The following ZFHX3 variants were observed in gnomAD, a reference collection of about 807,000 sequenced individuals.
The protein encoded by ZFHX3 is zinc finger homeobox protein 3.
In ZFHX3, 42 loss-of-function variants were observed where a neutral mutation model predicts 279.1. The ratio of observed to expected loss-of-function variants is 0.15; its 90% confidence interval spans 0.12 to 0.19. The LOEUF is 0.19. ZFHX3 is among the 10% of genes least tolerant of loss of function. The pLI, the probability that ZFHX3 is intolerant of heterozygous loss-of-function variation, is 1.00. For synonymous variants in ZFHX3, 2,293 were observed against 1,957.8 expected (o/e 1.17, Z -4.52); for missense variants, 4,981 against 4,754.0 (o/e 1.05, Z -1.40).
chr16:72,873,121 A>G (rs1316673349), intron 4 of ZFHX3, among the ~76,000 whole-genome samples: 3 of 152,354 alleles, frequency 2.0e-5, no homozygotes, highest in Non-Finnish European at 4.4e-5. Flanking sequence ...ACTACGGATC[A>G]TCTTGAACCC....
chr16:73,791,494 G>C (rs559683499), intron 1 of ZFHX3, among the ~76,000 whole-genome samples: 6 of 152,132 alleles, frequency 3.9e-5, no homozygotes, highest in African/African-American at 1.4e-4. Context: ...GCGCCATCTT[G>C]GCTCACTGCG....
At chr16:73,596,377 A>G (rs1597018331) in intron 2 of ZFHX3, among the ~76,000 whole-genome samples, 1 of 152,166 alleles carries the variant, frequency 6.6e-6, no homozygotes, top group East Asian at 1.9e-4. Context: ...GAGTTTTGCT[A>G]AACTATAGCT....
intron 1 of ZFHX3, among the ~76,000 whole-genome samples, chr16:73,024,659 T>A (rs1964430270): frequency 6.6e-6 from 1 of 152,194 alleles, no homozygotes; most frequent in African/African-American, 2.4e-5. Flanking sequence ...CCGCCATGTG[T>A]CAGTCGGGTT....
intron 2 of ZFHX3, among the ~76,000 whole-genome samples, chr16:73,620,137 A>G (rs1000036416): frequency 6.6e-6 from 1 of 152,110 alleles, no homozygotes; most frequent in Non-Finnish European, 1.5e-5. Flanking sequence ...TTATCCACAC[A>G]AGCTACCTTT....
intron 4 of ZFHX3, among the ~76,000 whole-genome samples, chr16:72,881,310 A>G (rs1442347765): frequency 2.0e-5 from 3 of 152,244 alleles, no homozygotes; most frequent in Non-Finnish European, 4.4e-5. Context: ...AGGAGACCAG[A>G]AAGCCCAGGA....
At chr16:73,240,021 T>TTGTG (rs113010649) in intron 5 of ZFHX3, among the ~76,000 whole-genome samples, 2,046 of 147,044 alleles carry the variant, frequency 0.014, 22 homozygotes, top group African/African-American at 0.023. Context: ...GAACCTTATT[T>TTGTG]TGTGTGTGTG....
chr16:73,237,563 G>A (rs547514613), intron 5 of ZFHX3, among the ~76,000 whole-genome samples: 1 of 123,694 alleles, frequency 8.1e-6, no homozygotes, highest in East Asian at 2.5e-4. Context: ...GAGAGAACAC[G>A]GTCTTGCTTT....
At chr16:73,692,548 G>C (rs147088577) in intron 1 of ZFHX3, among the ~76,000 whole-genome samples, 1 of 152,162 alleles carries the variant, frequency 6.6e-6, no homozygotes, top group Non-Finnish European at 1.5e-5. Context: ...CAGTAACAAA[G>C]GTTGCCTCTG....
chr16:73,757,024 A>G (rs1044403042), intron 1 of ZFHX3, among the ~76,000 whole-genome samples: 10 of 152,158 alleles, frequency 6.6e-5, no homozygotes, highest in Non-Finnish European at 1.3e-4. Flanking sequence ...GGTGTTACCC[A>G]TTAGTCACCA....
rs528216617 is a variant in ZFHX3, at chr16:73,547,215, T to C, written c.-1546-90957A>G. On this transcript the variant is annotated intron_variant, in intron 2 of 17. Coordinates refer to the ZFHX3 transcript ENST00000641206. ...TTCCTCCCCTCCTGCACATCGGCTA[T>C]GGTACTATTCTATTTTTATATTTAC... is the stretch of plus-strand genomic sequence containing the variant. Among the ~76,000 whole-genome samples the C allele has an allele frequency of 5.2e-4, 79 of 152,248 alleles. 1 individual carries two copies. Among genetic ancestry groups the C allele is most frequent in the Middle Eastern group, 3.4e-3 (1 of 294 alleles).
At chr16:73,624,534 C>T (rs531274511) in intron 2 of ZFHX3, among the ~76,000 whole-genome samples, 5 of 151,444 alleles carry the variant, frequency 3.3e-5, no homozygotes, top group Admixed American at 3.3e-4. Flanking sequence ...GAACCATCAA[C>T]ATTATGAATT....
chr16:73,781,072 T>A (rs13335360), intron 1 of ZFHX3, among the ~76,000 whole-genome samples: 7,416 of 152,274 alleles, frequency 0.049, 297 homozygotes, highest in African/African-American at 0.11. Context: ...AGGGACCATT[T>A]GCTTGGGAAG....
At chr16:73,638,299 C>T (rs1189265484) in intron 2 of ZFHX3, among the ~76,000 whole-genome samples, 1 of 152,094 alleles carries the variant, frequency 6.6e-6, no homozygotes, top group Non-Finnish European at 1.5e-5. Flanking sequence ...TAACCATATA[C>T]ATATATTTAT....
At chr16:73,293,284 C>G (rs1243360162) in intron 4 of ZFHX3, among the ~76,000 whole-genome samples, 1 of 152,108 alleles carries the variant, frequency 6.6e-6, no homozygotes, top group Non-Finnish European at 1.5e-5. Flanking sequence ...ATGAAGGAGA[C>G]TCTGAACCCC....
intron 7 of ZFHX3, among the ~76,000 whole-genome samples, chr16:72,801,574 A>C (rs2036100740): frequency 6.6e-6 from 1 of 152,198 alleles, no homozygotes; most frequent in East Asian, 1.9e-4. Flanking sequence ...GGGTGCAAAA[A>C]GTAAGCAACA....
At chr16:73,092,688 T>G (rs939022504) in intron 8 of ZFHX3, 2 of 305,074 alleles carry the variant, frequency 6.6e-6, no homozygotes, top group Non-Finnish European at 1.3e-5. Flanking sequence ...GCGGGCTGGC[T>G]TACACATGCT....
intron 3 of ZFHX3, among the ~76,000 whole-genome samples, chr16:72,925,819 T>C (rs1959420846): frequency 1.3e-5 from 2 of 152,204 alleles, no homozygotes; most frequent in Admixed American, 6.5e-5. Context: ...GGGTGGGCAG[T>C]GACCATAGCT....
intron 3 of ZFHX3, among the ~76,000 whole-genome samples, chr16:73,327,874 C>T (rs1277952251): frequency 6.6e-6 from 1 of 152,148 alleles, no homozygotes; most frequent in Non-Finnish European, 1.5e-5. Context: ...GATGGTCTTG[C>T]TGGCCTGGAA....
chr16:73,551,117 C>A (rs1445926338), intron 2 of ZFHX3, among the ~76,000 whole-genome samples: 3 of 152,152 alleles, frequency 2.0e-5, no homozygotes, highest in Admixed American at 2.0e-4. Flanking sequence ...GCTTTCCCAC[C>A]AGCAAAACGG....
Sources: gnomAD v4.1 joint callset for allele counts (sites outside exome capture counted in the v4.1 genomes callset) on GRCh38, gnomAD v4.1.1 for gene constraint, MANE v1.5 for transcripts, NCBI Gene and HGNC (gene_info 2026-07-23, HGNC 2026-07-21) for gene names.